Variants in FARS2 observed in about 807,000 individuals in gnomAD.
The protein encoded by FARS2 is phenylalanyl-tRNA synthetase 2, mitochondrial.
A neutral mutation model predicts 46.4 loss-of-function variants in FARS2; 40 were observed. The ratio of observed to expected loss-of-function variants is 0.86; its 90% CI spans 0.67 to 1.12. FARS2 has a LOEUF of 1.12. Ranked by LOEUF, FARS2 falls within the 50% of genes most tolerant of loss-of-function variation. The pLI is 0.00. For missense variants in FARS2, 513 were observed against 567.9 expected (o/e 0.90, Z 0.98); for synonymous variants, 234 against 214.9 (o/e 1.09, Z -0.78).
chr6:5,479,108 G>C (rs1766292881), intron 4 of FARS2, among the ~76,000 whole-genome samples: 1 of 152,192 alleles, frequency 6.6e-6, no homozygotes, highest in East Asian at 1.9e-4. Flanking sequence ...GGACATACTT[G>C]CAATGCGTAT....
intron 5 of FARS2, among the ~76,000 whole-genome samples, chr6:5,598,718 A>C (rs1774342043): frequency 6.6e-6 from 1 of 152,146 alleles, no homozygotes; most frequent in Non-Finnish European, 1.5e-5. Flanking sequence ...AATCGAAAAC[A>C]TGTAGTATCA....
At chr6:5,438,070 T>A (rs1194124436) in intron 4 of FARS2, among the ~76,000 whole-genome samples, 2 of 152,078 alleles carry the variant, frequency 1.3e-5, no homozygotes, top group African/African-American at 4.8e-5. Flanking sequence ...CTCAGCAACT[T>A]AAAGATGTTG....
chr6:5,394,244 A>C (rs139848701), intron 2 of FARS2, among the ~76,000 whole-genome samples: 87 of 152,326 alleles, frequency 5.7e-4, no homozygotes, highest in African/African-American at 2.0e-3. Context: ...AGCAGAAAAC[A>C]TTTCAGTTAA....
chr6:5,671,006 A>G (rs967746061), intron 6 of FARS2, among the ~76,000 whole-genome samples: 5 of 152,206 alleles, frequency 3.3e-5, no homozygotes, highest in African/African-American at 1.2e-4. Context: ...ACACACTATA[A>G]TGAATAATGA....
chr6:5,392,735 TACACACACACACACACAC>T (rs10526282), intron 2 of FARS2, among the ~76,000 whole-genome samples: 3,243 of 142,352 alleles, frequency 0.023, 129 homozygotes, highest in African/African-American at 0.079. Context: ...TATATATATA[TACACACACACACACACAC>T]ACACACACAC....
intron 1 of FARS2, among the ~76,000 whole-genome samples, chr6:5,357,912 T>G (rs2127619249): frequency 6.6e-6 from 1 of 152,352 alleles, no homozygotes; most frequent in Non-Finnish European, 1.5e-5. Flanking sequence ...ATGATGCTCC[T>G]TTACCATTTG....
intron 6 of FARS2, among the ~76,000 whole-genome samples, chr6:5,626,073 G>A (rs1265550053): frequency 6.6e-6 from 1 of 152,122 alleles, no homozygotes; most frequent in Non-Finnish European, 1.5e-5. Flanking sequence ...GAATTTAATT[G>A]GGTGTCTAGT....
intron 6 of FARS2, among the ~76,000 whole-genome samples, chr6:5,705,047 T>C (rs937163928): frequency 6.6e-6 from 1 of 152,240 alleles, no homozygotes; most frequent in African/African-American, 2.4e-5. Context: ...GCCATCTCTC[T>C]AAGCCTATCA....
intron 5 of FARS2, among the ~76,000 whole-genome samples, chr6:5,594,298 A>C (rs1326163384): frequency 6.6e-6 from 1 of 151,954 alleles, no homozygotes; most frequent in Non-Finnish European, 1.5e-5. Flanking sequence ...ACTTATCAAC[A>C]CCCTTGTTCC....
intron 6 of FARS2, among the ~76,000 whole-genome samples, chr6:5,653,761 A>G (rs4960124): frequency 0.35 from 53,831 of 152,122 alleles, 9,945 homozygotes; most frequent in East Asian, 0.58. Context: ...GTTACCTGTC[A>G]GATGCTCCTC....
At chr6:5,455,367 G>A (rs1212295465) in intron 4 of FARS2, among the ~76,000 whole-genome samples, 3 of 152,206 alleles carry the variant, frequency 2.0e-5, no homozygotes, top group Non-Finnish European at 4.4e-5. Flanking sequence ...CTCCAGGGAA[G>A]CAGCAGGGAC....
chr6:5,278,383 G>A (rs1766486987), intron 1 of FARS2, among the ~76,000 whole-genome samples: 1 of 152,134 alleles, frequency 6.6e-6, no homozygotes. Flanking sequence ...AGGAACGCTG[G>A]TTTTTGGTTG....
chr6:5,623,490 G>A (rs1409446998), intron 6 of FARS2, among the ~76,000 whole-genome samples: 2 of 152,174 alleles, frequency 1.3e-5, no homozygotes, highest in Non-Finnish European at 2.9e-5. Flanking sequence ...AGGGCAGGCG[G>A]ATCACGAGGT....
chr6:5,340,235 T>C (rs1771461068), intron 1 of FARS2, among the ~76,000 whole-genome samples: 2 of 152,214 alleles, frequency 1.3e-5, no homozygotes, highest in East Asian at 1.9e-4. Flanking sequence ...GAGATGTTTT[T>C]CCACATGGCT....
chr6:5,614,405 C>CGTCTTTTTTTTTTTTTTTTTT (rs1561753252), intron 6 of FARS2, among the ~76,000 whole-genome samples: 2 of 147,356 alleles, frequency 1.4e-5, no homozygotes, highest in African/African-American at 5.2e-5. Context: ...CTGTTTCCTT[C>CGTCTTTTTTTTTTTTTTTTTT]TTTGTCTTTT....
In FARS2 at chr6:5,677,579, GGCCTTGCAGTGAT is replaced by G. The variant is rs532417110; in HGVS notation, c.1217+64262_1217+64274del. ...CAGGTAAGTCCCTGTTAGTGACAGTGGCCTTGCAGTGATGCTTTGGGAAATTATCCTGGCTTCA... is the reference window on the plus strand; with the variant it reads ...CAGGTAAGTCCCTGTTAGTGACAGTGGCTTTGGGAAATTATCCTGGCTTCA... On this transcript the variant is annotated intron_variant, in intron 6 of 6. Coordinates refer to ENST00000274680, the MANE Select transcript of FARS2 (RefSeq NM_006567.5). Among the ~76,000 whole-genome samples the G allele has an allele frequency of 2.1e-3, 315 of 152,356 alleles. 5 individuals carry two copies. The highest frequency in any genetic ancestry group is 0.016 in the Admixed American group (246 of 15,304).
At position 5,471,035 on chromosome 6, in the gene FARS2, T is replaced by C. The variant is rs1765779261; in HGVS notation, c.904+39863T>C. On this transcript the variant is annotated intron_variant, in intron 4 of 6. Coordinates refer to ENST00000274680, the MANE Select transcript of FARS2 (RefSeq NM_006567.5). The surrounding 1 kb of genome is among the most constrained non-coding windows in gnomAD (Gnocchi z 4.1). The stretch of plus-strand genomic sequence containing the variant: ...TCTTCCTGTGTTCCTTTCTTCCTGC[T>C]CTTACTGATCAGAAAAGGCTTTCTA... 6.6e-6 allele frequency among the ~76,000 whole-genome samples: 1 copy of C among 152,214 alleles called. No homozygotes were observed. Among genetic ancestry groups the C allele is most frequent in the South Asian group, 2.1e-4 (1 of 4,836 alleles).
At chr6:5,255,237 G>C in the FARS2 span, among the ~76,000 whole-genome samples, 2 of 152,298 alleles carry the variant, frequency 1.3e-5, no homozygotes, top group African/African-American at 4.8e-5. Context: ...TATTTTCATA[G>C]TTATCAGGAA....
chr6:5,466,445 T>A, intron 4 of FARS2: 1 of 828,110 alleles, frequency 1.2e-6, no homozygotes, highest in Non-Finnish European at 1.5e-6. Flanking sequence ...CATGTCTTAG[T>A]CAGCTCTATA....
Sources: allele counts gnomAD v4.1 joint callset (sites outside exome capture counted in the v4.1 genomes callset), GRCh38; gene constraint gnomAD v4.1.1; non-coding constraint Gnocchi (gnomAD v3.1); transcripts MANE v1.5; gene names NCBI Gene and HGNC (gene_info 2026-07-23, HGNC 2026-07-21).